FANCM: variants seen among roughly 807,000 people sequenced by gnomAD.
The protein encoded by FANCM is Fanconi anemia group M protein.
FANCM carries 140 observed loss-of-function variants against 199.5 expected under a neutral mutation model. The observed-to-expected ratio is 0.70, with a 90% CI of 0.61 to 0.81. The LOEUF is 0.81. Ranked by LOEUF, FANCM falls within the 30% of genes least tolerant of loss-of-function variation. The pLI, the probability that FANCM is intolerant of heterozygous loss-of-function variation, is 0.00. For missense variants in FANCM, 2,410 were observed against 2,421.4 expected (o/e 1.00, Z 0.10); for synonymous variants, 840 against 836.8 (o/e 1.00, Z -0.07).
chr14:45,160,480 G>A (rs9989157), intron 9 of FANCM, among the ~76,000 whole-genome samples: 7,452 of 147,496 alleles, frequency 0.051, 635 homozygotes, highest in African/African-American at 0.18. Context: ...CCACCACCAC[G>A]CCCAGCTAAG....
At chr14:45,173,334 C>T (rs886343028) in intron 13 of FANCM, 124 bp downstream of exon 13, 4 of 844,714 alleles carry the variant, frequency 4.7e-6, no homozygotes, top group Non-Finnish European at 7.9e-6. Context: ...CTTGTGATCT[C>T]AGTAAAGAAT....
chr14:45,176,052 G>A lies in FANCM; in HGVS notation c.3298G>A (p.Val1100Ile). 1 of 1,613,996 alleles carries A rather than the reference G, an allele frequency of 6.2e-7. No individual in the cohort carries two copies. Among genetic ancestry groups the A allele is most frequent in the Non-Finnish European group, 8.5e-7 (1 of 1,179,930 alleles). The change falls in exon 14 of 23, where the codon GTT becomes ATT. Residue 1100 changes from valine (V) to isoleucine (I), a missense_variant. By Grantham distance (29) the Val-to-Ile change is conservative (BLOSUM62 3). Transcript: ENST00000267430. The stretch of plus-strand genomic sequence containing the variant: ...TGAAAATTTAGTACCTAACAATCGT[G>A]TTCAAATACACAGAAGCCCTGCACA... ...QNENLVPNNRVQIHRSPAQNL... is the reference protein window; with the variant it reads ...QNENLVPNNRIQIHRSPAQNL...
chr14:45,144,236 G>A (rs1014079980), intron 3 of FANCM, among the ~76,000 whole-genome samples: 4 of 151,872 alleles, frequency 2.6e-5, no homozygotes, highest in African/African-American at 4.8e-5. Flanking sequence ...ACTGACTATA[G>A]TCACCCTATT....
Position 45,151,441 on chromosome 14 carries a change from G to C in FANCM, c.963G>C (p.Leu321Phe), listed in dbSNP as rs761891998. ...FARSLIQRNV[L>F]MRRDIPNLTK... ...GTTCTTTGATTCAGAGGAATGTTTT[G>C]ATGAGAAGGGATATCCCAAATCTAA... Residue 321 changes from leucine to phenylalanine, a missense_variant, in exon 5 of 23, where the codon TTG (leucine) becomes TTC (phenylalanine). Physicochemically the swap from Leu to Phe is conservative, Grantham distance 22. Transcript: ENST00000267430. 3.7e-6 allele frequency: 6 copies of C among 1,613,140 alleles called. No individual in the cohort carries two copies. In the East Asian group the frequency reaches 1.3e-4, roughly 36 times the overall value.
chr14:45,145,717 G>T (rs1441629020), intron 3 of FANCM, among the ~76,000 whole-genome samples: 1 of 152,132 alleles, frequency 6.6e-6, no homozygotes, highest in East Asian at 1.9e-4. Context: ...GAGGTCAGGA[G>T]ATCGAGACCA....
In FANCM at chr14:45,167,157, A is replaced by G. The variant is rs78437454; in HGVS notation, c.1996A>G (p.Arg666Gly). 3.4e-5 allele frequency: 55 copies of G among 1,601,050 alleles called. No individual in the cohort carries two copies. In the East Asian group the frequency reaches 1.2e-3, roughly 34 times the overall value. Residue 666 changes from arginine (R) to glycine (G), a missense_variant, in exon 11 of 23, where the codon AGG becomes GGG. By Grantham distance (125) the Arg-to-Gly change is moderately radical (BLOSUM62 -2). Coordinates refer to ENST00000267430, the MANE Select transcript of FANCM (RefSeq NM_020937.4). ...LQRKSSIFSY[R>G]DGMRQSSLKK... ...GCGAAAGTCATCTATCTTTTCCTAT[A>G]GGGATGGTAAATAAATTTTGCATTT... is the stretch of plus-strand genomic sequence containing the variant.
chr14:45,155,287 T>G (rs938037128), intron 7 of FANCM, 86 bp from the exon 8 acceptor site: 1 of 635,902 alleles, frequency 1.6e-6, no homozygotes, highest in Admixed American at 2.8e-5. Flanking sequence ...AACATATGCA[T>G]TGGAAAAGAT....
rs1484261773 is a variant in FANCM, at chr14:45,180,177, T to C, written c.4223-1253T>C. On this transcript the variant is annotated intron_variant, in intron 14 of 22. Coordinates refer to ENST00000267430, the MANE Select transcript of FANCM (RefSeq NM_020937.4). ...GCAAACTACCTGCAAAACTTAACGA[T>C]GTAAAATAACAGACCCTTGTTACCT... 3.3e-5 allele frequency among the ~76,000 whole-genome samples: 5 copies of C among 152,200 alleles called. No individual in the cohort carries two copies. In the South Asian group the frequency reaches 1.0e-3, roughly 31 times the overall value.
chr14:45,169,631 C>T (rs1181135243), intron 11 of FANCM, among the ~76,000 whole-genome samples: 1 of 151,768 alleles, frequency 6.6e-6, no homozygotes, highest in Non-Finnish European at 1.5e-5. Flanking sequence ...AAACTCCTGG[C>T]CTTAATTGAT....
chr14:45,158,462 G>T (rs1307997351), intron 8 of FANCM, among the ~76,000 whole-genome samples: 1 of 151,054 alleles, frequency 6.6e-6, no homozygotes, highest in African/African-American at 2.4e-5. Flanking sequence ...GACATATCGG[G>T]AGCAGCTTTG....
chr14:45,150,665 C>G (rs1886754436), intron 4 of FANCM, among the ~76,000 whole-genome samples: 2 of 152,194 alleles, frequency 1.3e-5, no homozygotes, highest in South Asian at 4.1e-4. Flanking sequence ...CAAATGTTCT[C>G]TTCTCAAAGA....
chr14:45,176,303 G>T lies in FANCM; in HGVS notation c.3549G>T (p.Leu1183Phe). 5 of 1,614,014 alleles carry T rather than the reference G, an allele frequency of 3.1e-6. No homozygotes were observed. Among genetic ancestry groups the T allele is most frequent in the Non-Finnish European group, 4.2e-6 (5 of 1,179,970 alleles). Residue 1183 changes from leucine (L) to phenylalanine (F), a missense_variant, in exon 14 of 23, where the codon TTG becomes TTT. Leu to Phe is a conservative substitution (Grantham distance 22, BLOSUM62 0). Coordinates refer to ENST00000267430, the MANE Select transcript of FANCM (RefSeq NM_020937.4). ...AGTTCTTAATTTCTGATGAACTTTT[G>T]TTGGACAATAATTCTGAACTCCAAG... Reference protein sequence around the residue: ...VSQFLISDELLLDNNSELQDQ... With the variant: ...VSQFLISDELFLDNNSELQDQ...
Position 45,155,913 on chromosome 14 carries a change from AG to A in FANCM, c.1396+455del, listed in dbSNP as rs1478258053. Among the ~76,000 whole-genome samples, 5 of 152,362 alleles carry A rather than the reference AG, an allele frequency of 3.3e-5. No individual in the cohort carries two copies. In the South Asian group the frequency reaches 1.0e-3, roughly 32 times the overall value. On this transcript the variant is annotated intron_variant, in intron 8 of 22. Coordinates refer to ENST00000267430, the MANE Select transcript of FANCM (RefSeq NM_020937.4). ...TAACTCTGGATAATGAATACTAAAAAGCTGTGAGAAATTTTGGAAGGGCTAG... is the reference window on the plus strand; with the variant it reads ...TAACTCTGGATAATGAATACTAAAAACTGTGAGAAATTTTGGAAGGGCTAG...
At chr14:45,157,108 T>C (rs1164059786) in intron 8 of FANCM, among the ~76,000 whole-genome samples, 1 of 151,986 alleles carries the variant, frequency 6.6e-6, no homozygotes, top group African/African-American at 2.4e-5. Context: ...TCAAAACATA[T>C]TGTACAACAT....
intron 18 of FANCM, among the ~76,000 whole-genome samples, chr14:45,187,028 C>A (rs1443726571): frequency 6.6e-6 from 1 of 152,036 alleles, no homozygotes; most frequent in African/African-American, 2.4e-5. Flanking sequence ...ATACATAAAG[C>A]TGACAGGATT....
intron 5 of FANCM, 48 bp downstream of exon 5, chr14:45,151,576 A>T: frequency 6.5e-7 from 1 of 1,536,066 alleles, no homozygotes; most frequent in East Asian, 2.3e-5. Context: ...TTTTCACTGA[A>T]AGCCAGGATA....
chr14:45,176,710 A>G lies in FANCM; in HGVS notation c.3956A>G (p.Glu1319Gly), dbSNP rs779156533. ...HLPLSAAKNE[E>G]LLSPGYSQFS... ...CCACTGAGTGCAGCAAAAAATGAAG[A>G]ATTGTTATCTCCTGGTTATTCTCAG... The change falls in exon 14 of 23, where the codon GAA becomes GGA. Residue 1319 changes from glutamate to glycine, a missense_variant. Transcript: ENST00000267430. 7 of 1,613,590 alleles carry G rather than the reference A, an allele frequency of 4.3e-6. No homozygotes were observed. The highest frequency in any genetic ancestry group is 5.9e-6 in the Non-Finnish European group (7 of 1,179,806).
intron 19 of FANCM, among the ~76,000 whole-genome samples, chr14:45,188,208 A>C (rs1230768119): frequency 1.3e-5 from 2 of 152,210 alleles, no homozygotes; most frequent in East Asian, 3.9e-4. Flanking sequence ...GCATGGTGGC[A>C]CATGCCTGTA....
At chr14:45,149,979 G>A (rs1482112521) in intron 4 of FANCM, among the ~76,000 whole-genome samples, 1 of 152,140 alleles carries the variant, frequency 6.6e-6, no homozygotes, top group African/African-American at 2.4e-5. Context: ...CAATATTATA[G>A]CTGTTAAGGA....
Sources: gnomAD v4.1 joint callset for allele counts (sites outside exome capture counted in the v4.1 genomes callset) on GRCh38, gnomAD v4.1.1 for gene constraint, MANE v1.5 for transcripts, NCBI Gene and HGNC (gene_info 2026-07-23, HGNC 2026-07-21) for gene names.